The following GREM2 variants were observed in gnomAD, a reference collection of about 807,000 sequenced individuals.
GREM2 encodes the protein gremlin-2.
GREM2 carries 11 observed loss-of-function variants against 14.2 expected under a neutral mutation model. The ratio of observed to expected loss-of-function variants is 0.78; its 90% CI spans 0.49 to 1.28. The LOEUF (loss-of-function observed/expected upper bound fraction) is 1.28. GREM2 is among the 50% of genes most tolerant of loss of function. GREM2 has a pLI of 0.00. For missense variants in GREM2, 210 were observed against 218.5 expected, an observed-to-expected ratio of 0.96 and a Z score of 0.24; for synonymous variants, 98 against 97.6, an observed-to-expected ratio of 1.00 and a Z score of -0.02.
intron 1 of GREM2, among the ~76,000 whole-genome samples, chr1:240,607,117 T>C (rs1021535318): frequency 6.6e-6 from 1 of 152,216 alleles, no homozygotes; most frequent in Non-Finnish European, 1.5e-5. Flanking sequence ...ATAAAATGTT[T>C]AGCAAATAAT....
At chr1:240,504,995 C>T (rs555813005) in intron 1 of GREM2, among the ~76,000 whole-genome samples, 1 of 152,084 alleles carries the variant, frequency 6.6e-6, no homozygotes, top group Non-Finnish European at 1.5e-5. Context: ...GGAGGTGGGG[C>T]CTGGTGGAAG....
At chr1:240,562,422 G>A (rs940940331) in intron 1 of GREM2, among the ~76,000 whole-genome samples, 5 of 152,104 alleles carry the variant, frequency 3.3e-5, no homozygotes, top group South Asian at 2.1e-4. Flanking sequence ...TAGCAGTCCC[G>A]CCTCTGAGCC....
rs1196200785 is a variant in GREM2 at position 240,582,390 on chromosome 1, G to A, written c.-2+29494C>T. The stretch of plus-strand genomic sequence containing the variant: ...GTGGAGGTTGCAGTGAGCCAAGATC[G>A]TGCCATTGCACTCCAGCCTGGGCAA... On this transcript the variant is annotated intron_variant, in intron 1 of 1. Coordinates refer to ENST00000318160, the MANE Select transcript of GREM2 (RefSeq NM_022469.4). Among the ~76,000 whole-genome samples the A allele has an allele frequency of 2.6e-5, 4 of 151,894 alleles. No homozygotes were observed. The East Asian group carries it at 5.8e-4, about 22-fold the overall frequency.
At chr1:240,530,743 A>G (rs1050631174) in intron 1 of GREM2, 3 of 152,212 alleles carry the variant, frequency 2.0e-5, no homozygotes, top group Admixed American at 6.5e-5. Flanking sequence ...GATTCTTTCT[A>G]TGCTAGCCAC....
intron 1 of GREM2, among the ~76,000 whole-genome samples, chr1:240,552,486 T>C (rs1678871546): frequency 6.6e-6 from 1 of 152,100 alleles, no homozygotes; most frequent in Non-Finnish European, 1.5e-5. Context: ...TCCTAGCTGC[T>C]TGGGAAGCTG....
rs1678653344 is a variant in GREM2, at chr1:240,543,795, G to A, written c.-1-50319C>T. 2.0e-5 allele frequency among the ~76,000 whole-genome samples: 3 copies of A among 152,142 alleles called. No individual in the cohort carries two copies. The highest frequency in any genetic ancestry group is 4.4e-5 in the Non-Finnish European group (3 of 67,994). ...TATTTCAAAAGGGATTGATATACAG[G>A]CCTAACGCTATTTTTGACACTTGAT... On this transcript the variant is annotated intron_variant, in intron 1 of 1. Transcript: ENST00000318160. This position sits in a 1 kb window ranked among gnomAD's most constrained non-coding sequence, Gnocchi z 6.4.
rs904394114 is a variant in GREM2, at chr1:240,542,682, A to G, written c.-1-49206T>C. ...TGATATATTTTTCTCAGAAGGCTTG[A>G]TCACACTTTGGATTTTTTTTTCACT... is the stretch of plus-strand genomic sequence containing the variant. On this transcript the variant is annotated intron_variant, in intron 1 of 1. Coordinates refer to ENST00000318160, the MANE Select transcript of GREM2 (RefSeq NM_022469.4). The surrounding 1 kb of genome is among the most constrained non-coding windows in gnomAD (Gnocchi z 4.1). Among the ~76,000 whole-genome samples, 1 of 152,082 alleles carries G rather than the reference A, an allele frequency of 6.6e-6. No homozygotes were observed. Among genetic ancestry groups the G allele is most frequent in the South Asian group, 2.1e-4 (1 of 4,824 alleles).
intron 1 of GREM2, among the ~76,000 whole-genome samples, chr1:240,508,505 G>A (rs550360719): frequency 6.6e-6 from 1 of 152,170 alleles, no homozygotes; most frequent in Non-Finnish European, 1.5e-5. Context: ...TCTTTCCTAG[G>A]ATCAGCCTAA....
chr1:240,561,418 C>G (rs1161914552), intron 1 of GREM2, among the ~76,000 whole-genome samples: 5 of 152,050 alleles, frequency 3.3e-5, no homozygotes, highest in Admixed American at 3.3e-4. Flanking sequence ...TCCAATTTGT[C>G]CCATTAATTT....
At chr1:240,507,888 T>C (rs1357159759) in intron 1 of GREM2, among the ~76,000 whole-genome samples, 1 of 152,192 alleles carries the variant, frequency 6.6e-6, no homozygotes, top group South Asian at 2.1e-4. Flanking sequence ...TGATAAACCA[T>C]AATTTGTCTG....
chr1:240,547,532 T>TATATATATAGACAGATAGATAGATAG lies in GREM2; in HGVS notation c.-1-54057_-1-54056insCTATCTATCTATCTGTCTATATATAT, dbSNP rs1187770486. Among the ~76,000 whole-genome samples the TATATATATAGACAGATAGATAGATAG allele has an allele frequency of 3.7e-3, 450 of 121,798 alleles. 4 individuals carry two copies. Among genetic ancestry groups the TATATATATAGACAGATAGATAGATAG allele is most frequent in the African/African-American group, 0.016 (424 of 27,020 alleles). 79.9% of individuals were successfully genotyped at this position (121,798 alleles called of 152,430 possible). On this transcript the variant is annotated intron_variant, in intron 1 of 1. Transcript: ENST00000318160. ...AAAAAAAAATATATATATATATATA[T>TATATATATAGACAGATAGATAGATAG]ATAGATAGATAGATAGATAGATAGA...
At chr1:240,571,365 C>A (rs373220654) in intron 1 of GREM2, among the ~76,000 whole-genome samples, 3 of 152,254 alleles carry the variant, frequency 2.0e-5, no homozygotes, top group Admixed American at 1.3e-4. Flanking sequence ...TAAAATAATT[C>A]TTTTTCTGTA....
At chr1:240,532,421 T>C (rs1678381721) in intron 1 of GREM2, among the ~76,000 whole-genome samples, 1 of 152,186 alleles carries the variant, frequency 6.6e-6, no homozygotes, top group South Asian at 2.1e-4. Context: ...TCCATCTCTA[T>C]AAATCTATGA....
intron 1 of GREM2, among the ~76,000 whole-genome samples, chr1:240,547,534 T>TATATATAGAC (rs1491511748): frequency 4.2e-5 from 5 of 119,414 alleles, no homozygotes; most frequent in African/African-American, 1.8e-4. Context: ...TATATATATA[T>TATATATAGAC]AGATAGATAG....
rs1678656403 is a variant in GREM2 at position 240,543,889 on chromosome 1, A to G, written c.-1-50413T>C. On this transcript the variant is annotated intron_variant, in intron 1 of 1. Coordinates refer to ENST00000318160, the MANE Select transcript of GREM2 (RefSeq NM_022469.4). This position sits in a 1 kb window ranked among gnomAD's most constrained non-coding sequence, Gnocchi z 6.4. ...TTAAAAGTATATTATTTGTTTTTCA[A>G]TGGGAACAAGCACAGAACTAAAGGG... Among the ~76,000 whole-genome samples the G allele has an allele frequency of 6.6e-6, 1 of 152,190 alleles. No homozygotes were observed. The highest frequency in any genetic ancestry group is 2.4e-5 in the African/African-American group (1 of 41,452).
chr1:240,495,204 C>G (rs561702681), intron 1 of GREM2, among the ~76,000 whole-genome samples: 1 of 152,348 alleles, frequency 6.6e-6, no homozygotes, highest in East Asian at 1.9e-4. Context: ...TCTCTTTTTA[C>G]AACGGTAGCT....
chr1:240,494,958 G>C (rs965814663), intron 1 of GREM2, among the ~76,000 whole-genome samples: 2 of 152,166 alleles, frequency 1.3e-5, no homozygotes, highest in Non-Finnish European at 2.9e-5. Context: ...AAAACTGTCT[G>C]ATGACAATGC....
At chr1:240,603,856 G>A (rs2102873039) in intron 1 of GREM2, among the ~76,000 whole-genome samples, 1 of 150,936 alleles carries the variant, frequency 6.6e-6, no homozygotes, top group Non-Finnish European at 1.5e-5. Context: ...ATATGCTATT[G>A]TGTTAGTCCA....
At chr1:240,591,419 C>T (rs935967002) in intron 1 of GREM2, among the ~76,000 whole-genome samples, 1 of 152,136 alleles carries the variant, frequency 6.6e-6, no homozygotes, top group African/African-American at 2.4e-5. Context: ...TAGAGATATA[C>T]CTAAGAAAAT....
Sources: allele counts gnomAD v4.1 joint callset (sites outside exome capture counted in the v4.1 genomes callset), GRCh38; gene constraint gnomAD v4.1.1; non-coding constraint Gnocchi (gnomAD v3.1); transcripts MANE v1.5; gene names NCBI Gene and HGNC (gene_info 2026-07-23, HGNC 2026-07-21).